JPH2: variants seen among roughly 807,000 people sequenced by gnomAD.
JPH2 encodes the protein junctophilin-2.
In JPH2, 38 loss-of-function variants were observed where a neutral mutation model predicts 55.9. The ratio of observed to expected loss-of-function variants is 0.68; its 90% CI spans 0.52 to 0.89. The LOEUF is 0.89. JPH2 is among the 40% of genes least tolerant of loss of function. The pLI is 0.00. For synonymous variants in JPH2, 480 were observed against 472.4 expected (o/e 1.02, Z -0.21); for missense variants, 964 against 1,037.6 (o/e 0.93, Z 0.97).
chr20:44,117,441 C>G (rs1420239300), intron 3 of JPH2, among the ~76,000 whole-genome samples: 1 of 152,258 alleles, frequency 6.6e-6, no homozygotes, highest in Non-Finnish European at 1.5e-5. Context: ...TGTGATGTGG[C>G]TTCCTGGCAT....
chr20:44,140,746 A>G (rs2072451017), intron 2 of JPH2, among the ~76,000 whole-genome samples: 1 of 152,270 alleles, frequency 6.6e-6, no homozygotes, highest in Middle Eastern at 3.4e-3. Flanking sequence ...CCCTTCAATA[A>G]CACCAAGAAG....
At chr20:44,171,079 C>T (rs6130552) in intron 1 of JPH2, among the ~76,000 whole-genome samples, 54,007 of 151,962 alleles carry the variant, frequency 0.36, 10,152 homozygotes, top group Admixed American at 0.51. Flanking sequence ...CTCCCCATCT[C>T]AAAACCCTGC....
intron 2 of JPH2, among the ~76,000 whole-genome samples, chr20:44,131,416 A>ACCT (rs59072988): frequency 6.6e-6 from 1 of 151,866 alleles, no homozygotes; most frequent in Non-Finnish European, 1.5e-5. Context: ...GGACTCAGCT[A>ACCT]TACCCTGATA....
chr20:44,165,915 C>T (rs1336519001), intron 1 of JPH2, among the ~76,000 whole-genome samples: 1 of 152,180 alleles, frequency 6.6e-6, no homozygotes, highest in African/African-American at 2.4e-5. Context: ...ATCTCCCTTC[C>T]TTGCTTTATT....
In JPH2 at chr20:44,115,972, C is replaced by T; in HGVS notation, c.1703G>A (p.Ser568Asn). The T allele has an allele frequency of 6.3e-7, 1 of 1,576,914 alleles. No individual in the cohort carries two copies. ...GGGCGGCGTGGTGCGCACAGCATAG[C>T]TGTGGTAGCCCTGGTAAAGCGCCAC... ...PEVALYQGYH[S>N]YAVRTTPPEP... The change falls in exon 4 of 6, where the codon AGC (serine) becomes AAC (asparagine). Residue 568 changes from serine to asparagine, a missense_variant. Transcript: ENST00000372980.
At chr20:44,127,328 C>T (rs745702424) in intron 2 of JPH2, among the ~76,000 whole-genome samples, 1 of 152,006 alleles carries the variant, frequency 6.6e-6, no homozygotes, top group Non-Finnish European at 1.5e-5. Flanking sequence ...TACCTAGGAG[C>T]AGAATTGCTG....
chr20:44,131,859 C>T (rs1374467580), intron 2 of JPH2, among the ~76,000 whole-genome samples: 1 of 152,108 alleles, frequency 6.6e-6, no homozygotes, highest in African/African-American at 2.4e-5. Context: ...ACTTTTGTCC[C>T]CAGACCCATC....
At chr20:44,121,797 A>G (rs1027941140) in intron 2 of JPH2, among the ~76,000 whole-genome samples, 1 of 151,888 alleles carries the variant, frequency 6.6e-6, no homozygotes, top group Non-Finnish European at 1.5e-5. Context: ...GACCAGCCTA[A>G]GCAACATACC....
intron 2 of JPH2, among the ~76,000 whole-genome samples, chr20:44,154,802 C>A (rs1028672664): frequency 6.6e-6 from 1 of 152,198 alleles, no homozygotes; most frequent in Non-Finnish European, 1.5e-5. Context: ...CCCAAAATTC[C>A]CTTAATTGGA....
At chr20:44,140,655 T>C (rs1244118303) in intron 2 of JPH2, among the ~76,000 whole-genome samples, 2 of 151,944 alleles carry the variant, frequency 1.3e-5, no homozygotes, top group Non-Finnish European at 2.9e-5. Flanking sequence ...ACATGTCCTC[T>C]AGCAGCCTAA....
chr20:44,173,514 A>G (rs111616129), intron 1 of JPH2, among the ~76,000 whole-genome samples: 3 of 152,284 alleles, frequency 2.0e-5, no homozygotes, highest in African/African-American at 7.2e-5. Flanking sequence ...TCAGAGACAT[A>G]AATTTAAATA....
chr20:44,121,650 A>G (rs935139899), intron 2 of JPH2, among the ~76,000 whole-genome samples: 2 of 152,060 alleles, frequency 1.3e-5, no homozygotes, highest in African/African-American at 4.8e-5. Flanking sequence ...TGTTATTCCT[A>G]TCATCCCTCT....
At chr20:44,179,200 C>T (rs1209306324) in intron 1 of JPH2, among the ~76,000 whole-genome samples, 1 of 152,174 alleles carries the variant, frequency 6.6e-6, no homozygotes, top group Non-Finnish European at 1.5e-5. Context: ...ATTTAATTCT[C>T]TCAACAAAAT....
In JPH2 at chr20:44,111,973, G is replaced by A. The variant is rs1368602196; in HGVS notation, c.*1545C>T. On this transcript the variant is annotated 3_prime_UTR_variant, in exon 6 of 6. Coordinates refer to ENST00000372980, the MANE Select transcript of JPH2 (RefSeq NM_020433.5). ...GCAGAGCTGTGGGCCATGGCCAGCT[G>A]AGGATGGAAGAATCTGCAGGTTCTT... is the stretch of plus-strand genomic sequence containing the variant. The A allele has an allele frequency of 6.6e-6, 1 of 152,462 alleles. No homozygotes were observed. The highest frequency in any genetic ancestry group is 6.5e-5 in the Admixed American group (1 of 15,290). 9.4% of individuals were successfully genotyped at this position (152,462 alleles called of 1,614,324 possible).
At chr20:44,151,109 C>T (rs560532961) in intron 2 of JPH2, among the ~76,000 whole-genome samples, 1 of 152,268 alleles carries the variant, frequency 6.6e-6, no homozygotes, top group African/African-American at 2.4e-5. Flanking sequence ...TGGGTACTTG[C>T]GTGTTCATTA....
At chr20:44,140,475 T>A (rs1411451081) in intron 2 of JPH2, among the ~76,000 whole-genome samples, 2 of 152,152 alleles carry the variant, frequency 1.3e-5, no homozygotes, top group East Asian at 3.9e-4. Flanking sequence ...CAGGCTGCCA[T>A]GACTTTGTAG....
At chr20:44,151,077 A>G (rs2072526999) in intron 2 of JPH2, among the ~76,000 whole-genome samples, 1 of 152,216 alleles carries the variant, frequency 6.6e-6, no homozygotes, top group Non-Finnish European at 1.5e-5. Context: ...AAAAATTGCT[A>G]ATAATTATTA....
rs2072124906 is a variant in JPH2 at position 44,109,059 on chromosome 20, C to T, written c.*4459G>A. Among the ~76,000 whole-genome samples, 1 of 152,198 alleles carries T rather than the reference C, an allele frequency of 6.6e-6. No individual in the cohort carries two copies. The highest frequency in any genetic ancestry group is 1.5e-5 in the Non-Finnish European group (1 of 68,048). On this transcript the variant is annotated 3_prime_UTR_variant, in exon 6 of 6. Transcript: ENST00000372980. The stretch of plus-strand genomic sequence containing the variant: ...ATAGACAAATGTCCCCTGCCACATC[C>T]CTGTTGACTAGCATCTCCCCTCAGC...
chr20:44,166,414 A>G (rs1010076479), intron 1 of JPH2, among the ~76,000 whole-genome samples: 2 of 152,244 alleles, frequency 1.3e-5, no homozygotes, highest in Admixed American at 6.5e-5. Context: ...AAACTGGGAG[A>G]AAGAGACAAG....
Sources: gnomAD v4.1 joint callset for allele counts (sites outside exome capture counted in the v4.1 genomes callset) on GRCh38, gnomAD v4.1.1 for gene constraint, MANE v1.5 for transcripts, NCBI Gene and HGNC (gene_info 2026-07-23, HGNC 2026-07-21) for gene names.